Variants in POC1B observed in about 807,000 individuals in gnomAD.
The protein encoded by POC1B is POC1 centriolar protein B, also known as POC1 centriolar protein homolog B.
In POC1B, 44 loss-of-function variants were observed where a neutral mutation model predicts 60.6. That is an observed-to-expected ratio of 0.73 (90% CI 0.57 to 0.93). The LOEUF (loss-of-function observed/expected upper bound fraction) is 0.93, where lower values mean the gene tolerates loss of function less well. POC1B is among the 40% of genes least tolerant of loss of function. POC1B has a pLI of 0.00. For synonymous variants in POC1B, 180 were observed against 198.9 expected (o/e 0.90, Z 0.80); for missense variants, 555 against 572.3 (o/e 0.97, Z 0.31).
intron 4 of POC1B, among the ~76,000 whole-genome samples, chr12:89,485,064 G>A (rs919535297): frequency 1.3e-5 from 2 of 152,212 alleles, no homozygotes; most frequent in Non-Finnish European, 2.9e-5. Context: ...CTGGCAGTTA[G>A]CATTGTCATT....
chr12:89,525,979 T>G lies in POC1B; in HGVS notation c.-84A>C, dbSNP rs989998688. 6.5e-7 allele frequency: 1 copy of G among 1,544,340 alleles called. No individual in the cohort carries two copies. Among genetic ancestry groups the G allele is most frequent in the African/African-American group, 1.4e-5 (1 of 72,798 alleles). On this transcript the variant is annotated 5_prime_UTR_variant, in exon 1 of 12. Transcript: ENST00000313546. ...GAGGATGGGGAAGGAGAGGGGACCGTGCGGCTCCCGGAACCGTCTGCCCAG... is the reference window on the plus strand; with the variant it reads ...GAGGATGGGGAAGGAGAGGGGACCGGGCGGCTCCCGGAACCGTCTGCCCAG...
At chr12:89,410,537 G>A in the POC1B span, among the ~76,000 whole-genome samples, 14 of 151,970 alleles carry the variant, frequency 9.2e-5, no homozygotes, top group South Asian at 1.0e-3. Context: ...AACATTAGCC[G>A]GGCATGGTGG....
downstream of POC1B, among the ~76,000 whole-genome samples, chr12:89,418,492 T>A (rs1428383193): frequency 6.6e-6 from 1 of 152,116 alleles, no homozygotes; most frequent in African/African-American, 2.4e-5. Flanking sequence ...GGGAGACCAG[T>A]CAGGAGGTGC....
chr12:89,410,450 C>T, the POC1B span, among the ~76,000 whole-genome samples: 7 of 152,246 alleles, frequency 4.6e-5, no homozygotes, highest in African/African-American at 1.7e-4. Flanking sequence ...GAGGCCAAGG[C>T]AGGCAGATCA....
At chr12:89,500,484 C>T in intron 2 of POC1B, 1 of 1,589,038 alleles carries the variant, frequency 6.3e-7, no homozygotes, top group Non-Finnish European at 8.6e-7. Flanking sequence ...AAAAATACAC[C>T]TGACTTGAAA....
chr12:89,476,782 T>TAGATAGA, intron 4 of POC1B, among the ~76,000 whole-genome samples: 1 of 147,722 alleles, frequency 6.8e-6, no homozygotes, highest in East Asian at 2.1e-4. Context: ...AGACAGACAC[T>TAGATAGA]TTTATAAAAA....
intron 2 of POC1B, chr12:89,523,858 TCA>T: frequency 6.4e-7 from 1 of 1,556,322 alleles, no homozygotes; most frequent in Non-Finnish European, 8.6e-7. Context: ...GGAATTACAC[TCA>T]CAGTGACAAT....
chr12:89,412,876 C>A, the POC1B span, among the ~76,000 whole-genome samples: 1,244 of 149,366 alleles, frequency 8.3e-3, 29 homozygotes, highest in African/African-American at 0.03. Context: ...TCCTTCCTCC[C>A]TTCCTTACTT....
At chr12:89,502,190 C>T (rs1869607099) in intron 2 of POC1B, 3 of 1,156,480 alleles carry the variant, frequency 2.6e-6, no homozygotes, top group South Asian at 1.3e-5. Flanking sequence ...TATTTAATGT[C>T]TGGAAAGAAT....
Position 89,476,759 on chromosome 12 carries a change from T to TAGATAGAC in POC1B, c.453-4485_453-4484insGTCTATCT, listed in dbSNP as rs1485211003. On this transcript the variant is annotated intron_variant, in intron 4 of 11. Transcript: ENST00000313546. ...ATAGATAGATAGATAGATAGATAGA[T>TAGATAGAC]AGACAGACAGACAGACAGACACTTT... 4.7e-3 allele frequency among the ~76,000 whole-genome samples: 275 copies of TAGATAGAC among 58,598 alleles called. 2 individuals are homozygous for TAGATAGAC. Among genetic ancestry groups the TAGATAGAC allele is most frequent in the East Asian group, 0.023 (38 of 1,622 alleles). 38.4% of individuals were successfully genotyped at this position (58,598 alleles called of 152,430 possible).
At chr12:89,522,643 G>T in intron 2 of POC1B, 1 of 696,598 alleles carries the variant, frequency 1.4e-6, no homozygotes, top group South Asian at 3.7e-5. Flanking sequence ...CAGCACTCTG[G>T]GTACCCAGTT....
At chr12:89,458,226 G>T (rs991362707) in intron 10 of POC1B, among the ~76,000 whole-genome samples, 13 of 152,188 alleles carry the variant, frequency 8.5e-5, no homozygotes, top group African/African-American at 3.1e-4. Context: ...TCTCGCTACA[G>T]GGGGAAAACC....
At chr12:89,475,047 C>A (rs1259612988) in intron 4 of POC1B, among the ~76,000 whole-genome samples, 1 of 152,088 alleles carries the variant, frequency 6.6e-6, no homozygotes, top group Non-Finnish European at 1.5e-5. Context: ...CTGGCAAGAT[C>A]CCTGCCCTTA....
intron 2 of POC1B, chr12:89,521,718 C>T (rs1870893601): frequency 3.4e-6 from 1 of 298,326 alleles, no homozygotes. Flanking sequence ...ATTCATTCAC[C>T]CACTTACTGA....
At position 89,525,116 on chromosome 12, in the gene POC1B, T is replaced by C. The variant is rs768799037; in HGVS notation, c.100+4A>G. On this transcript the variant is annotated splice_donor_region_variant and intron_variant, in intron 2 of 11. Transcript: ENST00000313546. ...TACAAAAGCAAAACAAGAATAAGACTTACCAAGTTGCTTGCCGTTGGGGCT... is the reference window on the plus strand; with the variant it reads ...TACAAAAGCAAAACAAGAATAAGACCTACCAAGTTGCTTGCCGTTGGGGCT... The C allele has an allele frequency of 6.2e-7, 1 of 1,613,988 alleles. No individual in the cohort carries two copies. Among genetic ancestry groups the C allele is most frequent in the South Asian group, 1.1e-5 (1 of 91,086 alleles).
At chr12:89,500,134 A>C in intron 2 of POC1B, 1 of 1,533,942 alleles carries the variant, frequency 6.5e-7, no homozygotes, top group Non-Finnish European at 9.0e-7. Context: ...ATGGCTACAG[A>C]AGAAGATTTT....
intron 10 of POC1B, among the ~76,000 whole-genome samples, chr12:89,444,340 G>A (rs113632986): frequency 9.2e-5 from 14 of 152,238 alleles, no homozygotes; most frequent in South Asian, 4.1e-4. Flanking sequence ...GATGAACAGC[G>A]ATGCAAAAAT....
intron 4 of POC1B, among the ~76,000 whole-genome samples, chr12:89,489,348 A>G (rs1868823704): frequency 6.6e-6 from 1 of 152,214 alleles, no homozygotes; most frequent in Non-Finnish European, 1.5e-5. Context: ...CTCACAGCTG[A>G]TAAGTAGTGG....
Position 89,438,949 on chromosome 12 carries a change from C to T in POC1B, c.1114-13570G>A, listed in dbSNP as rs77696553. Among the ~76,000 whole-genome samples the T allele has an allele frequency of 2.9e-3, 446 of 152,282 alleles. 3 individuals carry two copies. The highest frequency in any genetic ancestry group is 0.011 in the African/African-American group (438 of 41,566). On this transcript the variant is annotated intron_variant, in intron 10 of 11. Transcript: ENST00000313546. ...GGAACTTGAAATCGCAAATTTGTCC[C>T]CTTAGGAAATACCCTACTTCAATGA...
Sources: gnomAD v4.1 joint callset for allele counts (sites outside exome capture counted in the v4.1 genomes callset) on GRCh38, gnomAD v4.1.1 for gene constraint, MANE v1.5 for transcripts, NCBI Gene and HGNC (gene_info 2026-07-23, HGNC 2026-07-21) for gene names.